Variants in MRPS18A observed in about 807,000 individuals in gnomAD.
MRPS18A encodes the protein mitochondrial ribosomal protein S18A, also known as large ribosomal subunit protein mL66.
A neutral mutation model predicts 22.7 loss-of-function variants in MRPS18A; 20 were observed. The observed-to-expected ratio is 0.88, with a 90% CI of 0.62 to 1.28. MRPS18A has a LOEUF of 1.28. Among genes scored for constraint, MRPS18A ranks in the 50% most tolerant of loss-of-function variants. The probability of loss-of-function intolerance (pLI) is 0.00; values close to 1 mark genes in which losing one functional copy is unlikely to be tolerated. For synonymous variants in MRPS18A, 106 were observed against 99.1 expected, an observed-to-expected ratio of 1.07 and a Z score of -0.41; for missense variants, 294 against 262.6, an observed-to-expected ratio of 1.12 and a Z score of -0.83.
chr6:43,676,881 G>C (rs1774084008), intron 3 of MRPS18A, among the ~76,000 whole-genome samples: 1 of 152,168 alleles, frequency 6.6e-6, no homozygotes, highest in African/African-American at 2.4e-5. Flanking sequence ...TTCAGAATCT[G>C]ATGAAAAGAA....
intron 3 of MRPS18A, among the ~76,000 whole-genome samples, chr6:43,677,301 C>T (rs971963300): frequency 6.6e-6 from 1 of 152,174 alleles, no homozygotes; most frequent in Non-Finnish European, 1.5e-5. Context: ...AAGAACCCCC[C>T]CAACCCTCAG....
chr6:43,676,985 C>G (rs1774090115), intron 3 of MRPS18A, among the ~76,000 whole-genome samples: 1 of 152,156 alleles, frequency 6.6e-6, no homozygotes, highest in Admixed American at 6.5e-5. Context: ...TTGTGCAGCT[C>G]AGGATAATGG....
chr6:43,672,902 T>C (rs912574883), intron 5 of MRPS18A, among the ~76,000 whole-genome samples: 5 of 151,598 alleles, frequency 3.3e-5, no homozygotes, highest in Non-Finnish European at 5.9e-5. Flanking sequence ...TGGGCAGGGA[T>C]GGGAGGGCCT....
Position 43,687,650 on chromosome 6 carries a change from C to G in MRPS18A, c.112+18G>C. 8.8e-7 allele frequency: 1 copy of G among 1,142,294 alleles called. No homozygotes were observed. The highest frequency in any genetic ancestry group is 1.6e-5 in the South Asian group (1 of 63,014). 70.8% of individuals were successfully genotyped at this position (1,142,294 alleles called of 1,614,324 possible). ...CGCTCTTCTTAATTTCAGGAGGTTG[C>G]TGGGACGCATGACTCACCTTCCCTG... On this transcript the variant is annotated intron_variant, in intron 1 of 5. Transcript: ENST00000372133.
Position 43,675,610 on chromosome 6 carries a change from A to G in MRPS18A, c.260T>C (p.Leu87Pro). Residue 87 changes from leucine (L) to proline (P), a missense_variant, in exon 4 of 6, where the codon CTG becomes CCG. Leu to Pro is a moderately conservative substitution (Grantham distance 98). Transcript: ENST00000372133. ...AGGCCGGATGAACTGGCTAAGCAGC[A>G]GAACATCCTAGTGGAAACCGAAAAT... ...LKHKYNYDDV[L>P]LLSQFIRPHG... 1 of 1,610,576 alleles carries G rather than the reference A, an allele frequency of 6.2e-7. No homozygotes were observed. The highest frequency in any genetic ancestry group is 8.5e-7 in the Non-Finnish European group (1 of 1,178,798).
intron 1 of MRPS18A, among the ~76,000 whole-genome samples, chr6:43,684,323 A>G (rs1381025352): frequency 6.6e-6 from 1 of 151,960 alleles, no homozygotes; most frequent in Non-Finnish European, 1.5e-5. Flanking sequence ...AGAGTAGGAA[A>G]GACTGGAGTA....
At chr6:43,686,810 A>G (rs935243469) in intron 1 of MRPS18A, among the ~76,000 whole-genome samples, 4 of 152,200 alleles carry the variant, frequency 2.6e-5, no homozygotes, top group Non-Finnish European at 5.9e-5. Context: ...GCTATGTCCT[A>G]AAAGACCGTT....
intron 3 of MRPS18A, among the ~76,000 whole-genome samples, chr6:43,677,953 G>A (rs1425711499): frequency 6.6e-6 from 1 of 152,094 alleles, no homozygotes; most frequent in Non-Finnish European, 1.5e-5. Flanking sequence ...AAGGTAATGT[G>A]TTCCCAGATC....
At chr6:43,674,319 C>G (rs1193695964) in intron 5 of MRPS18A, among the ~76,000 whole-genome samples, 1 of 152,162 alleles carries the variant, frequency 6.6e-6, no homozygotes, top group South Asian at 2.1e-4. Context: ...ATCTTTGATA[C>G]CTTACAGAGA....
intron 1 of MRPS18A, among the ~76,000 whole-genome samples, chr6:43,681,744 A>C (rs1024239621): frequency 2.0e-5 from 3 of 152,212 alleles, no homozygotes; most frequent in Non-Finnish European, 4.4e-5. Context: ...GGTAGGAATA[A>C]GGAGCATGAA....
intron 3 of MRPS18A, 99 bp downstream of exon 3, chr6:43,678,419 T>C (rs769343412): frequency 1.0e-5 from 9 of 878,120 alleles, no homozygotes; most frequent in African/African-American, 1.6e-5. Flanking sequence ...TTCCATGAAA[T>C]GCAGCAGTAG....
rs1207337919 is a variant in MRPS18A at position 43,681,207 on chromosome 6, G to GA, written c.113-88dup. 3.3e-5 allele frequency: 45 copies of GA among 1,366,000 alleles called. No homozygotes were observed. The Middle Eastern group carries it at 2.0e-3, about 60-fold the overall frequency. The allele number at this position is 1,366,000 out of a possible 1,614,324, so 84.6% of individuals were successfully genotyped here. A position where few individuals can be genotyped will look rare whatever the true frequency, so the allele number is the denominator to read the frequency against. Reference sequence around the variant, plus strand: ...TAACAGCTCAAATTCTACACATCTGGAAAAAAGCAGCCTTCCATCTGTACT... The same window carrying GA: ...TAACAGCTCAAATTCTACACATCTGGAAAAAAAGCAGCCTTCCATCTGTACT... On this transcript the variant is annotated intron_variant, in intron 1 of 5. Coordinates refer to ENST00000372133, the MANE Select transcript of MRPS18A (RefSeq NM_018135.4).
chr6:43,685,634 GTAT>G (rs1425275556), intron 1 of MRPS18A, among the ~76,000 whole-genome samples: 2 of 152,168 alleles, frequency 1.3e-5, no homozygotes, highest in Non-Finnish European at 2.9e-5. Context: ...CTAAAATTAT[GTAT>G]TATTATCTGA....
intron 1 of MRPS18A, among the ~76,000 whole-genome samples, chr6:43,681,523 G>A (rs1774415239): frequency 6.6e-6 from 1 of 152,228 alleles, no homozygotes; most frequent in African/African-American, 2.4e-5. Flanking sequence ...GTGTGTTCCT[G>A]CACAAAGAGA....
At chr6:43,676,853 A>T (rs909058116) in intron 3 of MRPS18A, among the ~76,000 whole-genome samples, 3 of 152,188 alleles carry the variant, frequency 2.0e-5, no homozygotes, top group Non-Finnish European at 2.9e-5. Context: ...CAGGCCTTCA[A>T]TTCCCACCCC....
intron 1 of MRPS18A, among the ~76,000 whole-genome samples, chr6:43,682,422 G>C (rs1200734267): frequency 1.3e-5 from 2 of 152,140 alleles, no homozygotes; most frequent in South Asian, 2.1e-4. Context: ...CACCTAATTG[G>C]ACACAGACTG....
In MRPS18A at chr6:43,672,268, G is replaced by A. The variant is rs192606049; in HGVS notation, c.447-362C>T. On this transcript the variant is annotated intron_variant, in intron 5 of 5. Transcript: ENST00000372133. ...CCTCAGCCATGGGGCGAGAAGAGCT[G>A]ATGTAAGGCTCTGGAGGAACCCATT... The A allele has an allele frequency of 2.9e-5, 13 of 443,624 alleles. No individual in the cohort carries two copies. The East Asian group carries it at 8.2e-4, about 28-fold the overall frequency. 27.5% of individuals were successfully genotyped at this position (443,624 alleles called of 1,614,324 possible). A position where few individuals can be genotyped will look rare whatever the true frequency, so the allele number is the denominator to read the frequency against.
At chr6:43,676,090 A>G (rs947264414) in intron 3 of MRPS18A, among the ~76,000 whole-genome samples, 2 of 152,040 alleles carry the variant, frequency 1.3e-5, no homozygotes, top group African/African-American at 4.8e-5. Flanking sequence ...GGCTCAAGCA[A>G]TCTGCCTGCC....
chr6:43,684,995 T>C (rs1479857235), intron 1 of MRPS18A, among the ~76,000 whole-genome samples: 1 of 152,196 alleles, frequency 6.6e-6, no homozygotes, highest in African/African-American at 2.4e-5. Context: ...GCAAGTTAAC[T>C]GCTAAGAGCT....
Sources: gnomAD v4.1 joint callset for allele counts (sites outside exome capture counted in the v4.1 genomes callset) on GRCh38, gnomAD v4.1.1 for gene constraint, MANE v1.5 for transcripts, NCBI Gene and HGNC (gene_info 2026-07-23, HGNC 2026-07-21) for gene names.